Variants in TENM4 observed in about 807,000 individuals in gnomAD.
TENM4 encodes the protein teneurin transmembrane protein 4.
A neutral mutation model predicts 243.3 loss-of-function variants in TENM4; 82 were observed. The observed-to-expected ratio is 0.34, with a 90% CI of 0.28 to 0.40. TENM4 has a LOEUF of 0.40. Among genes scored for constraint, TENM4 ranks in the 10% least tolerant of loss-of-function variants. The pLI, the probability that TENM4 is intolerant of heterozygous loss-of-function variation, is 1.00. For synonymous variants in TENM4, 1,412 were observed against 1,456.3 expected (o/e 0.97, Z 0.69); for missense variants, 3,138 against 3,673.3 (o/e 0.85, Z 3.77).
At chr11:78,844,074 G>A (rs938942434) in intron 12 of TENM4, among the ~76,000 whole-genome samples, 3 of 152,194 alleles carry the variant, frequency 2.0e-5, no homozygotes, top group Admixed American at 1.3e-4. Context: ...GCTTTATGTT[G>A]TGTGAGCCAC....
chr11:78,657,510 T>G lies in TENM4; in HGVS notation c.*548A>C. The G allele has an allele frequency of 3.5e-6, 1 of 286,788 alleles. No homozygotes were observed. The highest frequency in any genetic ancestry group is 6.5e-6 in the Non-Finnish European group (1 of 155,032). The allele number at this position is 286,788 out of a possible 1,614,324, so 17.8% of individuals were successfully genotyped here. Reference sequence around the variant, plus strand: ...GATCCTCTGGAGGCAGAGAACAAGGTGAGAAGAAATCCACCACTCTTCTGC... The same window carrying G: ...GATCCTCTGGAGGCAGAGAACAAGGGGAGAAGAAATCCACCACTCTTCTGC... On this transcript the variant is annotated 3_prime_UTR_variant, in exon 34 of 34. Transcript: ENST00000278550.
intron 1 of TENM4, among the ~76,000 whole-genome samples, chr11:79,389,371 G>T (rs1858183252): frequency 6.6e-6 from 1 of 152,174 alleles, no homozygotes; most frequent in African/African-American, 2.4e-5. Context: ...TGACCAGTCT[G>T]GTTTCAAACT....
chr11:78,929,762 CA>C (rs1856630267), intron 6 of TENM4, among the ~76,000 whole-genome samples: 1 of 152,144 alleles, frequency 6.6e-6, no homozygotes, highest in African/African-American at 2.4e-5. Context: ...TCTCTTGTGT[CA>C]AAAGTTCACC....
chr11:79,317,041 A>T (rs1383255192), intron 1 of TENM4, among the ~76,000 whole-genome samples: 1 of 152,226 alleles, frequency 6.6e-6, no homozygotes, highest in Non-Finnish European at 1.5e-5. Flanking sequence ...CCTACATTTG[A>T]TTCTGCCTAG....
rs528761321 is a variant in TENM4, at chr11:78,701,545, C to T, written c.5068G>A (p.Gly1690Arg). Residue 1690 changes from glycine (G) to arginine (R), a missense_variant, in exon 28 of 34, where the codon GGA becomes AGA. Gly to Arg is a moderately radical substitution (Grantham distance 125). Around this residue, in one of 2 missense-constraint regions of TENM4, gnomAD observed 2,467 missense variants for 3,059.1 expected, o/e 0.81. Transcript: ENST00000278550. ...ACTTACTCATAAAATGTTGTCCATCCGTTTTCATTGCTTTTGGTTGCCAGA... is the reference window on the plus strand; with the variant it reads ...ACTTACTCATAAAATGTTGTCCATCTGTTTTCATTGCTTTTGGTTGCCAGA... ...GLLATKSNEN[G>R]WTTFYEYDSF... is the part of the protein sequence containing the mutation. The T allele has an allele frequency of 2.5e-5, 39 of 1,590,550 alleles. 1 individual carries two copies. The highest frequency in any genetic ancestry group is 3.0e-5 in the Non-Finnish European group (35 of 1,162,552).
rs138126649 is a variant in TENM4, at chr11:78,780,346, T to C, written c.2366-1718A>G. On this transcript the variant is annotated intron_variant, in intron 16 of 33. Coordinates refer to ENST00000278550, the MANE Select transcript of TENM4 (RefSeq NM_001098816.3). ...TTCTTATATCTCATCTCCCAGGATA[T>C]GCTATCAAAGGGCATGAATACATAG... 2.0e-3 allele frequency among the ~76,000 whole-genome samples: 304 copies of C among 152,390 alleles called. 1 individual carries two copies. Among genetic ancestry groups the C allele is most frequent in the African/African-American group, 6.9e-3 (286 of 41,592 alleles).
intron 3 of TENM4, among the ~76,000 whole-genome samples, chr11:79,204,099 AG>A (rs145975103): frequency 0.054 from 8,222 of 152,270 alleles, 301 homozygotes; most frequent in Non-Finnish European, 0.087. Context: ...AAGGTGGTGC[AG>A]GGGGTGGAGG....
At chr11:79,177,352 C>A (rs1463487634) in intron 3 of TENM4, among the ~76,000 whole-genome samples, 1 of 151,866 alleles carries the variant, frequency 6.6e-6, no homozygotes, top group African/African-American at 2.4e-5. Context: ...CTCTCCCTTC[C>A]CCTCCCCTCC....
chr11:79,195,353 TG>T (rs1317928414), intron 3 of TENM4, among the ~76,000 whole-genome samples: 1 of 152,106 alleles, frequency 6.6e-6, no homozygotes, highest in African/African-American at 2.4e-5. Flanking sequence ...GACACCAGAA[TG>T]GTAGGTCCAT....
At chr11:78,708,152 C>A (rs139890085) in intron 27 of TENM4, among the ~76,000 whole-genome samples, 161 of 152,354 alleles carry the variant, frequency 1.1e-3, no homozygotes, top group African/African-American at 3.8e-3. Flanking sequence ...GTCCCCTGGG[C>A]TTCCACTTGT....
intron 12 of TENM4, among the ~76,000 whole-genome samples, chr11:78,844,137 C>T (rs1401856809): frequency 1.3e-5 from 2 of 152,168 alleles, no homozygotes; most frequent in Non-Finnish European, 2.9e-5. Context: ...TCCTTTCCAG[C>T]CAGTTCATCT....
At chr11:79,364,953 G>C (rs1430535719) in intron 1 of TENM4, among the ~76,000 whole-genome samples, 2 of 152,152 alleles carry the variant, frequency 1.3e-5, no homozygotes, top group African/African-American at 4.8e-5. Context: ...TTAAAATTTA[G>C]TTGTTTTTAT....
intron 4 of TENM4, among the ~76,000 whole-genome samples, chr11:79,083,076 T>G (rs1860716094): frequency 6.6e-6 from 1 of 152,198 alleles, no homozygotes; most frequent in African/African-American, 2.4e-5. Context: ...CCCATTCCTT[T>G]CATCCAAGGC....
Position 78,702,268 on chromosome 11 carries a change from G to C in TENM4, c.4345C>G (p.Gln1449Glu). Residue 1449 changes from glutamine (Q) to glutamate (E), a missense_variant, in exon 28 of 34, where the codon CAG becomes GAG. By Grantham distance (29) the Gln-to-Glu change is conservative. Around this residue, in one of 2 missense-constraint regions of TENM4, gnomAD observed 2,467 missense variants for 3,059.1 expected, o/e 0.81. Coordinates refer to ENST00000278550, the MANE Select transcript of TENM4 (RefSeq NM_001098816.3). ...RIVAGRPMHC[Q>E]VPGIDHFLLS... is the part of the protein sequence containing the mutation. ...AGGAAGTGGTCAATGCCAGGGACCT[G>C]GCAGTGCATGGGCCTCCCGGCGACA... 1 of 1,614,050 alleles carries C rather than the reference G, an allele frequency of 6.2e-7. No individual in the cohort carries two copies. Among genetic ancestry groups the C allele is most frequent in the East Asian group, 2.2e-5 (1 of 44,884 alleles).
intron 1 of TENM4, among the ~76,000 whole-genome samples, chr11:79,302,420 CTA>C (rs1359427074): frequency 6.6e-6 from 1 of 152,208 alleles, no homozygotes; most frequent in African/African-American, 2.4e-5. Context: ...TCTCTCCACC[CTA>C]TGTTTTGCCT....
chr11:79,061,630 CTCTT>C (rs1259345662), intron 6 of TENM4, among the ~76,000 whole-genome samples: 3 of 152,162 alleles, frequency 2.0e-5, no homozygotes, highest in Non-Finnish European at 4.4e-5. Context: ...AAGTGTGCAC[CTCTT>C]TCTGTCATGA....
At chr11:79,250,535 C>T (rs1291870798) in intron 2 of TENM4, among the ~76,000 whole-genome samples, 1 of 152,216 alleles carries the variant, frequency 6.6e-6, no homozygotes, top group Admixed American at 6.5e-5. Context: ...CCCCACTGTT[C>T]TATGCACCTT....
intron 4 of TENM4, among the ~76,000 whole-genome samples, chr11:79,139,814 T>TATATTTATATAAATATATTATATA (rs1862250479): frequency 1.5e-5 from 1 of 65,258 alleles, no homozygotes; most frequent in African/African-American, 8.1e-5. Flanking sequence ...TAATATATAT[T>TATATTTATATAAATATATTATATA]TTATATTTAT....
chr11:78,947,975 T>C (rs1231758156), intron 6 of TENM4, among the ~76,000 whole-genome samples: 1 of 152,106 alleles, frequency 6.6e-6, no homozygotes, highest in Non-Finnish European at 1.5e-5. Flanking sequence ...TGGGCTCTCA[T>C]GAAAAAAAGC....
Sources: allele counts gnomAD v4.1 joint callset (sites outside exome capture counted in the v4.1 genomes callset), GRCh38; gene constraint gnomAD v4.1.1; regional missense constraint gnomAD v4.1.1; transcripts MANE v1.5; gene names NCBI Gene and HGNC (gene_info 2026-07-23, HGNC 2026-07-21).